LAMB4: variants seen among roughly 807,000 people sequenced by gnomAD.
LAMB4 encodes the protein laminin subunit beta-4.
Under a neutral mutation model 199.2 loss-of-function variants are expected in LAMB4, and 196 were observed. That is an observed-to-expected ratio of 0.98 (90% CI 0.88 to 1.11). LAMB4 has a LOEUF of 1.11. Among genes scored for constraint, LAMB4 ranks in the 50% least tolerant of loss-of-function variants. LAMB4 has a pLI of 0.00. For missense variants in LAMB4, 2,080 were observed against 2,171.2 expected (o/e 0.96, Z 0.83); for synonymous variants, 744 against 770.6 (o/e 0.97, Z 0.57).
chr7:108,051,604 T>C (rs1420324724), intron 26 of LAMB4, among the ~76,000 whole-genome samples: 1 of 152,236 alleles, frequency 6.6e-6, no homozygotes, highest in Non-Finnish European at 1.5e-5. Flanking sequence ...TTTTAAGAAC[T>C]ATGCAATATG....
intron 17 of LAMB4, chr7:108,075,427 A>G (rs2036663358): frequency 6.6e-6 from 1 of 152,184 alleles, no homozygotes; most frequent in Admixed American, 6.5e-5. Flanking sequence ...GAAAGCAGCC[A>G]TAGATGATAT....
At chr7:108,117,544 T>G (rs750010403) in intron 2 of LAMB4, among the ~76,000 whole-genome samples, 33 of 152,060 alleles carry the variant, frequency 2.2e-4, no homozygotes, top group Non-Finnish European at 7.4e-5. Context: ...ATTTTGTGGG[T>G]AGCTACTTAT....
At chr7:108,102,980 C>T in intron 10 of LAMB4, 64 bp downstream of exon 10, 2 of 1,418,162 alleles carry the variant, frequency 1.4e-6, no homozygotes, top group South Asian at 1.5e-5. Flanking sequence ...CGGGCAGCCC[C>T]AGTAAGATCA....
chr7:108,077,068 T>C lies in LAMB4; in HGVS notation c.2004-4A>G. On this transcript the variant is annotated splice_region_variant and splice_polypyrimidine_tract_variant and intron_variant, in intron 16 of 33. Transcript: ENST00000388781. ...GGGTGTGGGAAGCAGCATGATTCTGTATTAAGAAAGATAAAGCAAAAATTC... is the reference window on the plus strand; with the variant it reads ...GGGTGTGGGAAGCAGCATGATTCTGCATTAAGAAAGATAAAGCAAAAATTC... 1 of 1,612,432 alleles carries C rather than the reference T, an allele frequency of 6.2e-7. No individual in the cohort carries two copies. Among genetic ancestry groups the C allele is most frequent in the Non-Finnish European group, 8.5e-7 (1 of 1,179,254 alleles).
intron 12 of LAMB4, among the ~76,000 whole-genome samples, chr7:108,093,936 AATG>A (rs2037503087): frequency 1.3e-5 from 2 of 152,236 alleles, no homozygotes; most frequent in African/African-American, 4.8e-5. Flanking sequence ...AAGAAAAAAA[AATG>A]ATGTGATAGG....
chr7:108,122,056 T>A (rs1295704315), intron 2 of LAMB4, among the ~76,000 whole-genome samples: 2 of 152,164 alleles, frequency 1.3e-5, no homozygotes, highest in African/African-American at 4.8e-5. Context: ...TGCAGTGAGG[T>A]CTTTTCTGCC....
chr7:108,033,735 ATTT>A (rs556578520), intron 31 of LAMB4, among the ~76,000 whole-genome samples: 51 of 102,050 alleles, frequency 5.0e-4, no homozygotes, highest in African/African-American at 9.2e-4. Flanking sequence ...TTGGATGAGT[ATTT>A]TTTTTTTTTT....
At chr7:108,033,735 A>ATTTTT (rs556578520) in intron 31 of LAMB4, among the ~76,000 whole-genome samples, 5 of 102,074 alleles carry the variant, frequency 4.9e-5, no homozygotes, top group East Asian at 3.1e-4. Context: ...TTGGATGAGT[A>ATTTTT]TTTTTTTTTT....
chr7:108,088,598 G>T (rs1289422535), intron 14 of LAMB4, among the ~76,000 whole-genome samples: 1 of 152,224 alleles, frequency 6.6e-6, no homozygotes, highest in Non-Finnish European at 1.5e-5. Flanking sequence ...TCTGCAGTTA[G>T]AATGTTGAAA....
rs147178647 is a variant in LAMB4 at position 108,107,812 on chromosome 7, C to A, written c.410G>T (p.Arg137Leu). Residue 137 changes from arginine (R) to leucine (L), a missense_variant, in exon 6 of 34, where the codon CGG becomes CTG. Arg to Leu is a moderately radical substitution (Grantham distance 102). Coordinates refer to ENST00000388781, the MANE Select transcript of LAMB4 (RefSeq NM_007356.3). The stretch of plus-strand genomic sequence containing the variant: ...ACGTTCAACTAACATTGCAGCAGGC[C>A]GAAAAGTCTAGGAAAAATGAGTAAA... ...SHLILTFKTF[R>L]PAAMLVERST... 8 of 1,580,572 alleles carry A rather than the reference C, an allele frequency of 5.1e-6. No homozygotes were observed. Among genetic ancestry groups the A allele is most frequent in the South Asian group, 1.2e-5 (1 of 84,820 alleles).
intron 26 of LAMB4, among the ~76,000 whole-genome samples, chr7:108,051,073 G>T (rs181345399): frequency 2.6e-5 from 4 of 152,314 alleles, no homozygotes; most frequent in Admixed American, 2.6e-4. Flanking sequence ...AATTTGAGAG[G>T]ATTAGCATGG....
intron 14 of LAMB4, among the ~76,000 whole-genome samples, chr7:108,086,603 G>A (rs1444379080): frequency 1.3e-5 from 2 of 152,176 alleles, no homozygotes; most frequent in Non-Finnish European, 2.9e-5. Flanking sequence ...GAACCCCAGA[G>A]ATGGAAACAA....
Position 108,024,739 on chromosome 7 carries a change from A to ATCCATCCATCCATCCATCCG in LAMB4, c.5147-562_5147-561insCGGATGGATGGATGGATGGA, listed in dbSNP as rs1326505021. Among the ~76,000 whole-genome samples, 280 of 152,010 alleles carry ATCCATCCATCCATCCATCCG rather than the reference A, an allele frequency of 1.8e-3. 2 individuals carry two copies. Among genetic ancestry groups the ATCCATCCATCCATCCATCCG allele is most frequent in the African/African-American group, 6.7e-3 (277 of 41,412 alleles). On this transcript the variant is annotated intron_variant, in intron 33 of 33. Transcript: ENST00000388781. ...GATCCATCCATCCATCCATCCATCC[A>ATCCATCCATCCATCCATCCG]TCCGTCCGTCCATCCGTCCATCCAT...
At chr7:108,016,581 A>G in the LAMB4 span, among the ~76,000 whole-genome samples, 2 of 152,132 alleles carry the variant, frequency 1.3e-5, no homozygotes, top group African/African-American at 2.4e-5. Flanking sequence ...ACTGAGCCCA[A>G]CCTATTTTGG....
chr7:108,051,531 GT>G (rs1467558065), intron 26 of LAMB4, among the ~76,000 whole-genome samples: 1 of 152,106 alleles, frequency 6.6e-6, no homozygotes, highest in African/African-American at 2.4e-5. Context: ...CTAATCAAAA[GT>G]TTTGCTTTAG....
intron 3 of LAMB4, among the ~76,000 whole-genome samples, chr7:108,113,284 T>C (rs1358923490): frequency 1.3e-5 from 2 of 152,216 alleles, no homozygotes; most frequent in Admixed American, 6.5e-5. Context: ...AAAAACTGAA[T>C]GGGGCAAGGA....
chr7:108,071,133 C>T (rs985426242), intron 17 of LAMB4, among the ~76,000 whole-genome samples: 1 of 152,110 alleles, frequency 6.6e-6, no homozygotes, highest in Non-Finnish European at 1.5e-5. Context: ...GCTCAAGTCT[C>T]TCCCATCTAT....
At chr7:108,091,605 G>C (rs1289590755) in intron 14 of LAMB4, 21 bp downstream of exon 14, 1 of 1,608,886 alleles carries the variant, frequency 6.2e-7, no homozygotes, top group East Asian at 2.2e-5. Context: ...AGTCTGTAGG[G>C]AAAGTAAATG....
At chr7:108,103,327 T>G (rs963957688) in intron 9 of LAMB4, 95 bp from the exon 10 acceptor site, 19 of 993,550 alleles carry the variant, frequency 1.9e-5, no homozygotes, top group Middle Eastern at 3.2e-4. Context: ...TAGTCCTCCT[T>G]GTCCTCCTGC....
Sources: gnomAD v4.1 joint callset for allele counts (sites outside exome capture counted in the v4.1 genomes callset) on GRCh38, gnomAD v4.1.1 for gene constraint, MANE v1.5 for transcripts, NCBI Gene and HGNC (gene_info 2026-07-23, HGNC 2026-07-21) for gene names.